KHDRBS2: variants seen among roughly 807,000 people sequenced by gnomAD.
KHDRBS2 encodes KH domain-containing, RNA-binding, signal transduction-associated protein 2.
A neutral mutation model predicts 44.3 loss-of-function variants in KHDRBS2; 26 were observed. The ratio of observed to expected loss-of-function variants is 0.59; its 90% CI spans 0.43 to 0.81. KHDRBS2 has a LOEUF of 0.81. Ranked by LOEUF, KHDRBS2 falls within the 40% of genes least tolerant of loss-of-function variation. The pLI, the probability that KHDRBS2 is intolerant of heterozygous loss-of-function variation, is 0.00. For missense variants in KHDRBS2, 476 were observed against 433.1 expected, an observed-to-expected ratio of 1.10 and a Z score of -0.88; for synonymous variants, 194 against 151.1, an observed-to-expected ratio of 1.28 and a Z score of -2.08.
chr6:61,729,381 T>C (rs1321704574), intron 7 of KHDRBS2, among the ~76,000 whole-genome samples: 1 of 152,112 alleles, frequency 6.6e-6, no homozygotes, highest in Non-Finnish European at 1.5e-5. Context: ...CGAGGCTTAA[T>C]ACCTGGGTGA....
At chr6:62,220,018 A>G (rs1031555225) in intron 1 of KHDRBS2, among the ~76,000 whole-genome samples, 1 of 150,522 alleles carries the variant, frequency 6.6e-6, no homozygotes, top group Non-Finnish European at 1.5e-5. Context: ...TTTTAAAAAT[A>G]AAAAAGACAA....
chr6:62,266,393 G>C (rs562561885), intron 1 of KHDRBS2, among the ~76,000 whole-genome samples: 1 of 152,024 alleles, frequency 6.6e-6, no homozygotes, highest in African/African-American at 2.4e-5. Flanking sequence ...TTGCCTCCTA[G>C]GAGCTGCTCT....
At chr6:61,588,741 A>C in the KHDRBS2 span, among the ~76,000 whole-genome samples, 1 of 152,100 alleles carries the variant, frequency 6.6e-6, no homozygotes, top group Non-Finnish European at 1.5e-5. Context: ...GCAGTGAGCC[A>C]TGACTGTGCC....
At chr6:61,809,164 A>C (rs1465853453) in intron 6 of KHDRBS2, among the ~76,000 whole-genome samples, 5 of 152,126 alleles carry the variant, frequency 3.3e-5, no homozygotes, top group African/African-American at 1.2e-4. Flanking sequence ...GCAGAAGTCA[A>C]ATTTACTAAT....
intron 6 of KHDRBS2, among the ~76,000 whole-genome samples, chr6:61,848,469 T>TTATATATATATATATATATA (rs796641130): frequency 4.1e-5 from 3 of 73,690 alleles, no homozygotes; most frequent in African/African-American, 6.7e-5. Flanking sequence ...AATGGAGGTT[T>TTATATATATATATATATATA]TATATATATA....
chr6:62,169,158 C>CATATACATATAT lies in KHDRBS2; in HGVS notation c.219+8026_219+8027insATATATGTATAT, dbSNP rs1562991719. The stretch of plus-strand genomic sequence containing the variant: ...ACACACATATATGTGTGTATATATA[C>CATATACATATAT]GTACACATATATGTATATATGTATA... On this transcript the variant is annotated intron_variant, in intron 2 of 8. Coordinates refer to ENST00000281156, the MANE Select transcript of KHDRBS2 (RefSeq NM_152688.4). 1.7e-3 allele frequency among the ~76,000 whole-genome samples: 137 copies of CATATACATATAT among 79,982 alleles called. 1 individual carries two copies. The highest frequency in any genetic ancestry group is 7.4e-3 in the Middle Eastern group (1 of 136). The allele number at this position is 79,982 out of a possible 152,430, so 52.5% of individuals were successfully genotyped here.
chr6:62,139,250 A>T (rs926780995), intron 2 of KHDRBS2, among the ~76,000 whole-genome samples: 3 of 152,132 alleles, frequency 2.0e-5, no homozygotes, highest in African/African-American at 7.2e-5. Context: ...TGAGTTAAAA[A>T]TTTTAAAAAA....
At chr6:62,117,976 A>G (rs1806678379) in intron 2 of KHDRBS2, among the ~76,000 whole-genome samples, 1 of 152,044 alleles carries the variant, frequency 6.6e-6, no homozygotes, top group Non-Finnish European at 1.5e-5. Flanking sequence ...GGGTTTCCCA[A>G]CGTTGGCCAC....
chr6:61,574,491 G>A, the KHDRBS2 span: 27 of 1,137,584 alleles, frequency 2.4e-5, no homozygotes, highest in African/African-American at 4.8e-5. Flanking sequence ...TACCAAACCT[G>A]CATTAAAAAT....
intron 6 of KHDRBS2, among the ~76,000 whole-genome samples, chr6:61,840,670 C>T (rs1793467923): frequency 6.6e-6 from 1 of 152,132 alleles, no homozygotes; most frequent in South Asian, 2.1e-4. Context: ...TGTGATGGCA[C>T]ATGCTAATGC....
intron 1 of KHDRBS2, among the ~76,000 whole-genome samples, chr6:62,230,747 TC>T (rs1237638927): frequency 6.6e-6 from 1 of 152,184 alleles, no homozygotes; most frequent in African/African-American, 2.4e-5. Flanking sequence ...CAATTAAAAA[TC>T]CCAACTATGA....
At position 61,723,570 on chromosome 6, in the gene KHDRBS2, C is replaced by CA. The variant is rs542629466; in HGVS notation, c.893+9111dup. Reference sequence around the variant, plus strand: ...TCTCAAAAACAAACAAACAAACAAACAAACAAAAAAACAACAATACAGAAG... The same window carrying CA: ...TCTCAAAAACAAACAAACAAACAAACAAAACAAAAAAACAACAATACAGAAG... On this transcript the variant is annotated intron_variant, in intron 7 of 8. Coordinates refer to ENST00000281156, the MANE Select transcript of KHDRBS2 (RefSeq NM_152688.4). Among the ~76,000 whole-genome samples, 882 of 149,660 alleles carry CA rather than the reference C, an allele frequency of 5.9e-3. 2 individuals carry two copies. The highest frequency in any genetic ancestry group is 0.011 in the South Asian group (51 of 4,710).
intron 6 of KHDRBS2, among the ~76,000 whole-genome samples, chr6:61,776,711 A>G (rs148430177): frequency 3.9e-5 from 6 of 152,328 alleles, no homozygotes; most frequent in Admixed American, 2.6e-4. Context: ...TACTTCAACC[A>G]TCGTGGAAGT....
At chr6:61,842,505 A>C (rs1276317741) in intron 6 of KHDRBS2, among the ~76,000 whole-genome samples, 11 of 152,170 alleles carry the variant, frequency 7.2e-5, no homozygotes, top group Admixed American at 7.2e-4. Flanking sequence ...ATAATTATCT[A>C]AAAAGCTGAA....
chr6:61,993,673 A>ATATATATATATATT (rs1425839225), intron 3 of KHDRBS2, among the ~76,000 whole-genome samples: 2 of 115,680 alleles, frequency 1.7e-5, no homozygotes, highest in Admixed American at 1.0e-4. Context: ...ATATATATAT[A>ATATATATATATATT]TTTTTTTTTT....
intron 6 of KHDRBS2, among the ~76,000 whole-genome samples, chr6:61,789,242 C>T (rs1384564359): frequency 1.3e-5 from 2 of 151,162 alleles, no homozygotes; most frequent in Non-Finnish European, 3.0e-5. Context: ...ATTTAATAGA[C>T]ATTAGCAATT....
the KHDRBS2 span, among the ~76,000 whole-genome samples, chr6:61,589,742 G>T: frequency 1.3e-5 from 2 of 152,148 alleles, no homozygotes; most frequent in East Asian, 3.9e-4. Flanking sequence ...TAGAGGAAGA[G>T]AAATTCATTT....
chr6:62,007,216 T>C (rs1184266653), intron 3 of KHDRBS2, among the ~76,000 whole-genome samples: 1 of 152,206 alleles, frequency 6.6e-6, no homozygotes, highest in African/African-American at 2.4e-5. Flanking sequence ...TCCAGAGTCT[T>C]CCATTAAGCA....
intron 1 of KHDRBS2, among the ~76,000 whole-genome samples, chr6:62,251,650 T>C (rs1237561576): frequency 6.6e-6 from 1 of 151,984 alleles, no homozygotes; most frequent in Non-Finnish European, 1.5e-5. Flanking sequence ...ATTGAAGTAG[T>C]ACAATTATCC....
Sources: gnomAD v4.1 joint callset for allele counts (sites outside exome capture counted in the v4.1 genomes callset) on GRCh38, gnomAD v4.1.1 for gene constraint, MANE v1.5 for transcripts, NCBI Gene and HGNC (gene_info 2026-07-23, HGNC 2026-07-21) for gene names.